Variants in VPS41 observed in about 807,000 individuals in gnomAD.
VPS41 encodes the protein VPS41 subunit of HOPS complex.
A neutral mutation model predicts 130.9 loss-of-function variants in VPS41; 85 were observed. The observed-to-expected ratio is 0.65, with a 90% CI of 0.55 to 0.78. The LOEUF is 0.78. Among genes scored for constraint, VPS41 ranks in the 30% least tolerant of loss-of-function variants. The pLI, the probability that VPS41 is intolerant of heterozygous loss-of-function variation, is 0.00. For synonymous variants in VPS41, 335 were observed against 332.9 expected, an observed-to-expected ratio of 1.01 and a Z score of -0.07; for missense variants, 874 against 1,018.7, an observed-to-expected ratio of 0.86 and a Z score of 1.93.
chr7:38,742,985 T>C (rs1387458185), intron 24 of VPS41, among the ~76,000 whole-genome samples: 3 of 151,938 alleles, frequency 2.0e-5, no homozygotes, highest in Non-Finnish European at 4.4e-5. Context: ...CATCCAAATA[T>C]CATCAATGTC....
At chr7:38,878,650 T>C (rs1419145688) in intron 2 of VPS41, among the ~76,000 whole-genome samples, 1 of 152,174 alleles carries the variant, frequency 6.6e-6, no homozygotes, top group Non-Finnish European at 1.5e-5. Context: ...TCTGACGTCA[T>C]TTGATAAGTC....
At chr7:38,902,212 C>T (rs1787160408) in intron 1 of VPS41, among the ~76,000 whole-genome samples, 1 of 152,174 alleles carries the variant, frequency 6.6e-6, no homozygotes, top group Non-Finnish European at 1.5e-5. Flanking sequence ...CCACTGCCCT[C>T]CTCAAACAAC....
chr7:38,909,018 C>A, intron 1 of VPS41, 136 bp downstream of exon 1: 2 of 1,089,046 alleles, frequency 1.8e-6, no homozygotes, highest in Non-Finnish European at 2.8e-6. Flanking sequence ...TTCGCCATCC[C>A]ACCCCGCCCT....
chr7:38,756,985 G>A lies in VPS41; in HGVS notation c.1551-3C>T. The A allele has an allele frequency of 6.3e-7, 1 of 1,581,186 alleles. No individual in the cohort carries two copies. The highest frequency in any genetic ancestry group is 2.2e-5 in the East Asian group (1 of 44,460). ...CATAGTTCTTGTCATAGGTGTACCT[G>A]GTAATACAAATTTTTTACATTAATA... On this transcript the variant is annotated splice_region_variant and splice_polypyrimidine_tract_variant and intron_variant, in intron 18 of 28. Transcript: ENST00000310301.
chr7:38,872,651 T>A (rs1315043911), intron 2 of VPS41, among the ~76,000 whole-genome samples: 3 of 152,190 alleles, frequency 2.0e-5, no homozygotes, highest in African/African-American at 7.2e-5. Flanking sequence ...GGCCTACACA[T>A]TTCTATGAAA....
At position 38,791,350 on chromosome 7, in the gene VPS41, G is replaced by A. The variant is rs1784531761; in HGVS notation, c.718-1483C>T. Reference sequence around the variant, plus strand: ...GTACATGAGGAACAGTCTTTCAAATGGTTTGAAGTATAATAAAAAAGCAAA... The same window carrying A: ...GTACATGAGGAACAGTCTTTCAAATAGTTTGAAGTATAATAAAAAAGCAAA... On this transcript the variant is annotated intron_variant, in intron 9 of 28. Transcript: ENST00000310301. Among the ~76,000 whole-genome samples the A allele has an allele frequency of 2.6e-5, 4 of 152,182 alleles. No homozygotes were observed. In the South Asian group the frequency reaches 8.3e-4, roughly 32 times the overall value.
intron 2 of VPS41, among the ~76,000 whole-genome samples, chr7:38,869,628 G>A (rs1562617324): frequency 6.6e-6 from 1 of 152,080 alleles, no homozygotes; most frequent in Non-Finnish European, 1.5e-5. Flanking sequence ...AAGGAGAGTT[G>A]TAAAAATTAT....
chr7:38,885,888 C>T (rs894232135), intron 2 of VPS41, among the ~76,000 whole-genome samples: 1 of 151,620 alleles, frequency 6.6e-6, no homozygotes, highest in African/African-American at 2.4e-5. Flanking sequence ...ATACAATAAC[C>T]AAAAGACATA....
intron 18 of VPS41, 28 bp downstream of exon 18, chr7:38,758,326 G>A: frequency 2.5e-6 from 4 of 1,582,816 alleles, no homozygotes; most frequent in Non-Finnish European, 2.6e-6. Context: ...AGACTGATAT[G>A]GAAAAAGAAA....
chr7:38,862,664 CTAT>C, intron 3 of VPS41, 42 bp from the exon 4 acceptor site: 1 of 1,204,708 alleles, frequency 8.3e-7, no homozygotes, highest in Non-Finnish European at 1.2e-6. Flanking sequence ...ATTAATAATA[CTAT>C]TAATACACAA....
intron 4 of VPS41, among the ~76,000 whole-genome samples, chr7:38,846,429 G>A (rs779776694): frequency 6.6e-6 from 1 of 152,144 alleles, no homozygotes; most frequent in Non-Finnish European, 1.5e-5. Context: ...CAGAGAAGAT[G>A]ACACCGATAA....
chr7:38,731,585 T>G (rs1172509406), intron 25 of VPS41, among the ~76,000 whole-genome samples: 1 of 152,134 alleles, frequency 6.6e-6, no homozygotes, highest in African/African-American at 2.4e-5. Context: ...CAGCCTATCT[T>G]CGCAACCACA....
chr7:38,754,438 AATAG>A (rs1469709801), intron 21 of VPS41, among the ~76,000 whole-genome samples: 3 of 152,184 alleles, frequency 2.0e-5, no homozygotes, highest in Admixed American at 6.5e-5. Flanking sequence ...ATAGTAATAT[AATAG>A]ATAGATTGGT....
At chr7:38,791,570 C>A (rs6979576) in intron 9 of VPS41, among the ~76,000 whole-genome samples, 88,438 of 151,326 alleles carry the variant, frequency 0.58, 26,458 homozygotes, top group East Asian at 0.88. Flanking sequence ...AGGAAGACTT[C>A]CTGGAAGAAG....
chr7:38,795,582 C>T lies in VPS41; in HGVS notation c.600G>A (p.Lys200=), dbSNP rs140469332. Residue 200 remains lysine, a synonymous_variant, in exon 9 of 29, where the codon AAG becomes AAA. Coordinates refer to ENST00000310301, the MANE Select transcript of VPS41 (RefSeq NM_014396.4). ...MGVKIFDIIS[K]QRITNVPRDD... The stretch of plus-strand genomic sequence containing the variant: ...CCCGGGGCACATTGGTGATTCTTTG[C>T]TTTGAGATGATGTCAAAAATCTTCA... 43 of 1,611,868 alleles carry T rather than the reference C, an allele frequency of 2.7e-5. No homozygotes were observed. Among genetic ancestry groups the T allele is most frequent in the Middle Eastern group, 1.6e-4 (1 of 6,066 alleles).
At chr7:38,872,249 A>G (rs545506144) in intron 2 of VPS41, among the ~76,000 whole-genome samples, 1 of 152,324 alleles carries the variant, frequency 6.6e-6, no homozygotes, top group African/African-American at 2.4e-5. Context: ...TGTTCTGATC[A>G]AGCAGCCCTG....
In VPS41 at chr7:38,738,077, A is replaced by C. The variant is rs190156497; in HGVS notation, c.2259+3908T>G. 1.5e-3 allele frequency among the ~76,000 whole-genome samples: 221 copies of C among 152,342 alleles called. 1 individual carries two copies. Among genetic ancestry groups the C allele is most frequent in the African/African-American group, 5.1e-3 (211 of 41,578 alleles). ...TCATCTACAACTTTCCTTAAGGGTTAGACTCACACCAGGGACTCATGAGGC... is the reference window on the plus strand; with the variant it reads ...TCATCTACAACTTTCCTTAAGGGTTCGACTCACACCAGGGACTCATGAGGC... On this transcript the variant is annotated intron_variant, in intron 25 of 28. Coordinates refer to ENST00000310301, the MANE Select transcript of VPS41 (RefSeq NM_014396.4).
intron 9 of VPS41, among the ~76,000 whole-genome samples, chr7:38,792,343 G>A (rs1784550227): frequency 6.6e-6 from 1 of 152,182 alleles, no homozygotes; most frequent in African/African-American, 2.4e-5. Flanking sequence ...CCACATGGGT[G>A]GATAACAGGC....
chr7:38,759,530 G>A (rs1424752927), intron 17 of VPS41, among the ~76,000 whole-genome samples: 1 of 152,184 alleles, frequency 6.6e-6, no homozygotes, highest in Non-Finnish European at 1.5e-5. Context: ...ATGGGTCTGG[G>A]TGTGGTGAAG....
Sources: gnomAD v4.1 joint callset for allele counts (sites outside exome capture counted in the v4.1 genomes callset) on GRCh38, gnomAD v4.1.1 for gene constraint, MANE v1.5 for transcripts, NCBI Gene and HGNC (gene_info 2026-07-23, HGNC 2026-07-21) for gene names.